Variants in RBM7 observed in about 807,000 individuals in gnomAD.
The protein encoded by RBM7 is RNA-binding protein 7.
Under a neutral mutation model 31.0 loss-of-function variants are expected in RBM7, and 13 were observed. The observed-to-expected ratio is 0.42, with a 90% CI of 0.27 to 0.67. The LOEUF is 0.67. Ranked by LOEUF, RBM7 falls within the 30% of genes least tolerant of loss-of-function variation. The pLI, the probability that RBM7 is intolerant of heterozygous loss-of-function variation, is 0.24. For synonymous variants in RBM7, 106 were observed against 111.2 expected, an observed-to-expected ratio of 0.95 and a Z score of 0.30; for missense variants, 245 against 326.2, an observed-to-expected ratio of 0.75 and a Z score of 1.92.
At chr11:114,407,039 C>T (rs1946274622) in intron 4 of RBM7, 2 of 161,434 alleles carry the variant, frequency 1.2e-5, no homozygotes, top group South Asian at 1.7e-4. Context: ...CTGTGTTTCC[C>T]TGTTATTTTT....
intron 2 of RBM7, among the ~76,000 whole-genome samples, chr11:114,402,353 C>A (rs1276265066): frequency 6.9e-6 from 1 of 145,796 alleles, no homozygotes; most frequent in Non-Finnish European, 1.5e-5. Flanking sequence ...CCGATGAAGC[C>A]GTAAAGCGGT....
At chr11:114,405,417 G>A (rs1164369154) in intron 3 of RBM7, among the ~76,000 whole-genome samples, 2 of 152,126 alleles carry the variant, frequency 1.3e-5, no homozygotes, top group South Asian at 2.1e-4. Flanking sequence ...GGTAACCTTG[G>A]TGTTCAGTTC....
intron 3 of RBM7, 44 bp downstream of exon 3, chr11:114,402,959 T>G: frequency 6.9e-7 from 1 of 1,450,284 alleles, no homozygotes; most frequent in South Asian, 1.1e-5. Context: ...TCAGGAATTC[T>G]TATAGGGAAT....
chr11:114,408,922 GTTATT>G lies in RBM7; in HGVS notation c.*1118_*1122del, dbSNP rs1247317873. 9.3e-5 allele frequency: 14 copies of G among 150,288 alleles called. No individual in the cohort carries two copies. Among genetic ancestry groups the G allele is most frequent in the Admixed American group, 6.0e-4 (9 of 15,124 alleles). 9.3% of individuals were successfully genotyped at this position (150,288 alleles called of 1,614,324 possible). On this transcript the variant is annotated 3_prime_UTR_variant, in exon 5 of 5. Transcript: ENST00000375490. ...TGAAAATATAAAAGGAAGGGTGTGT[GTTATT>G]TTTTTTTTTTTATGTCACTGACTTC...
intron 4 of RBM7, 69 bp downstream of exon 4, chr11:114,405,868 A>G (rs1026882360): frequency 1.8e-6 from 2 of 1,099,436 alleles, no homozygotes; most frequent in African/African-American, 1.6e-5. Context: ...TTCGCATTGT[A>G]TCAAATAACT....
chr11:114,401,497 GC>G (rs1946200244), intron 1 of RBM7, among the ~76,000 whole-genome samples, 200 bp from the exon 2 acceptor site: 1 of 152,134 alleles, frequency 6.6e-6, no homozygotes, highest in Admixed American at 6.5e-5. Context: ...TTCCTTATGG[GC>G]CCCCTTCCCC....
In RBM7 at chr11:114,402,825, T is replaced by C. The variant is rs368832992; in HGVS notation, c.260-3T>C. 9 of 1,608,260 alleles carry C rather than the reference T, an allele frequency of 5.6e-6. No homozygotes were observed. Among genetic ancestry groups the C allele is most frequent in the Non-Finnish European group, 7.7e-6 (9 of 1,175,320 alleles). On this transcript the variant is annotated splice_region_variant and splice_polypyrimidine_tract_variant and intron_variant, in intron 2 of 4. Coordinates refer to ENST00000375490, the MANE Select transcript of RBM7 (RefSeq NM_001286045.2). The stretch of plus-strand genomic sequence containing the variant: ...AATAATTTTTCAAATTGTTTCATTT[T>C]AGGAAGTAGTCATGCCCCACAAGAT...
intron 3 of RBM7, among the ~76,000 whole-genome samples, chr11:114,403,140 A>G (rs1179002810): frequency 6.6e-6 from 1 of 152,230 alleles, no homozygotes; most frequent in Non-Finnish European, 1.5e-5. Flanking sequence ...ATAGATACGT[A>G]TATAACTATT....
At chr11:114,401,667 A>C (rs1191514493) in intron 1 of RBM7, 31 bp from the exon 2 acceptor site, 1 of 1,459,222 alleles carries the variant, frequency 6.9e-7, no homozygotes, top group Non-Finnish European at 9.1e-7. Flanking sequence ...TAGTTGCTTT[A>C]TTTAAATTCT....
rs1360202538 is a variant in RBM7 at position 114,408,678 on chromosome 11, A to G, written c.*871A>G. ...GTGCCCAGACTGTGTACAAAGACAC[A>G]TGTAATGGAGATTGTACAGGTTGTT... is the stretch of plus-strand genomic sequence containing the variant. On this transcript the variant is annotated 3_prime_UTR_variant, in exon 5 of 5. Coordinates refer to ENST00000375490, the MANE Select transcript of RBM7 (RefSeq NM_001286045.2). The G allele has an allele frequency of 6.6e-6, 1 of 152,430 alleles. No individual in the cohort carries two copies. The highest frequency in any genetic ancestry group is 1.5e-5 in the Non-Finnish European group (1 of 68,018). 9.4% of individuals were successfully genotyped at this position (152,430 alleles called of 1,614,324 possible).
At position 114,408,370 on chromosome 11, in the gene RBM7, A is replaced by T. The variant is rs1220308000; in HGVS notation, c.*563A>T. On this transcript the variant is annotated 3_prime_UTR_variant, in exon 5 of 5. Transcript: ENST00000375490. ...ACCCTAGTTGAACATACATGTGTAG[A>T]TTTACACATACTGTTTCATTCTAAA... 6.5e-6 allele frequency: 1 copy of T among 152,814 alleles called. No homozygotes were observed. The highest frequency in any genetic ancestry group is 1.9e-4 in the East Asian group (1 of 5,344). 9.5% of individuals were successfully genotyped at this position (152,814 alleles called of 1,614,324 possible).
chr11:114,407,420 C>T, intron 4 of RBM7, 25 bp from the exon 5 acceptor site: 1 of 1,585,062 alleles, frequency 6.3e-7, no homozygotes, highest in Non-Finnish European at 8.6e-7. Context: ...GAAGTATTAA[C>T]ATTTCCACTT....
chr11:114,401,078 T>C (rs1410650448), intron 1 of RBM7, among the ~76,000 whole-genome samples: 2 of 152,190 alleles, frequency 1.3e-5, no homozygotes, highest in African/African-American at 4.8e-5. Context: ...CTTTTTCTTA[T>C]CCTTCCTGTT....
intron 3 of RBM7, among the ~76,000 whole-genome samples, chr11:114,404,374 G>A (rs891391588): frequency 6.6e-6 from 1 of 152,228 alleles, no homozygotes; most frequent in Non-Finnish European, 1.5e-5. Flanking sequence ...GCCAGCAATA[G>A]TGCAAAAAGT....
At position 114,407,926 on chromosome 11, in the gene RBM7, A is replaced by G. The variant is rs1946288864; in HGVS notation, c.*119A>G. The G allele has an allele frequency of 3.1e-5, 39 of 1,245,070 alleles. 1 individual carries two copies. The South Asian group carries it at 6.5e-4, about 21-fold the overall frequency. The allele number at this position is 1,245,070 out of a possible 1,614,324, so 77.1% of individuals were successfully genotyped here. Reference sequence around the variant, plus strand: ...GCTTTACAAGTTGTCACATTTCTTTATAAATTTTTTTAAAGCTACAGTTTA... The same window carrying G: ...GCTTTACAAGTTGTCACATTTCTTTGTAAATTTTTTTAAAGCTACAGTTTA... On this transcript the variant is annotated 3_prime_UTR_variant, in exon 5 of 5. Coordinates refer to ENST00000375490, the MANE Select transcript of RBM7 (RefSeq NM_001286045.2).
chr11:114,404,166 T>G (rs542615303), intron 3 of RBM7, among the ~76,000 whole-genome samples: 1 of 152,280 alleles, frequency 6.6e-6, no homozygotes, highest in South Asian at 2.1e-4. Context: ...AGTTTATATT[T>G]TAAGAGTTGT....
chr11:114,401,289 T>C (rs1946196670), intron 1 of RBM7, among the ~76,000 whole-genome samples: 1 of 152,200 alleles, frequency 6.6e-6, no homozygotes, highest in African/African-American at 2.4e-5. Flanking sequence ...AAATTCTGAG[T>C]ATCCTATTCC....
rs1165250264 is a variant in RBM7, at chr11:114,400,749, T to G, written c.78T>G (p.Leu26=). The change falls in exon 1 of 5, where the codon CTT becomes CTG. Residue 26 remains leucine (L), a synonymous_variant. Transcript: ENST00000375490. ...AAACGAAAGTGACCGAGGAGCTCCT[T>G]TTCGAGCTTTTCCACCAGGTAAGCG... ...NLETKVTEEL[L]FELFHQAGPV... 2 of 1,614,092 alleles carry G rather than the reference T, an allele frequency of 1.2e-6. No homozygotes were observed. The highest frequency in any genetic ancestry group is 1.3e-5 in the African/African-American group (1 of 74,926).
chr11:114,400,683 G>A lies in RBM7; in HGVS notation c.12G>A (p.Ala4=), dbSNP rs369732707. 1 of 1,614,220 alleles carries A rather than the reference G, an allele frequency of 6.2e-7. No individual in the cohort carries two copies. The highest frequency in any genetic ancestry group is 8.5e-7 in the Non-Finnish European group (1 of 1,180,036). The change falls in exon 1 of 5, where the codon GCG becomes GCA. Residue 4 remains alanine, a synonymous_variant. Coordinates refer to ENST00000375490, the MANE Select transcript of RBM7 (RefSeq NM_001286045.2). MGA[A]AAEADRTLFV... ...GGGGCGACGCTGAGATGGGGGCGGC[G>A]GCGGCGGAAGCGGATCGCACTCTCT...
Sources: allele counts gnomAD v4.1 joint callset (sites outside exome capture counted in the v4.1 genomes callset), GRCh38; gene constraint gnomAD v4.1.1; transcripts MANE v1.5; gene names NCBI Gene and HGNC (gene_info 2026-07-23, HGNC 2026-07-21).